Variants in DNAH5 observed in about 807,000 individuals in gnomAD.
DNAH5 encodes the protein axonemal beta dynein heavy chain 5.
A neutral mutation model predicts 518.2 loss-of-function variants in DNAH5; 372 were observed. The observed-to-expected ratio is 0.72, with a 90% CI of 0.66 to 0.78. The LOEUF (loss-of-function observed/expected upper bound fraction) is 0.78, where lower values mean the gene tolerates loss of function less well. Ranked by LOEUF, DNAH5 falls within the 30% of genes least tolerant of loss-of-function variation. The probability of loss-of-function intolerance (pLI) is 0.00; values close to 1 mark genes in which losing one functional copy is unlikely to be tolerated. For synonymous variants in DNAH5, 2,039 were observed against 2,025.9 expected, an observed-to-expected ratio of 1.01 and a Z score of -0.17; for missense variants, 5,523 against 5,687.0, an observed-to-expected ratio of 0.97 and a Z score of 0.93.
At chr5:13,905,521 T>C (rs1264478693) in intron 12 of DNAH5, among the ~76,000 whole-genome samples, 1 of 152,232 alleles carries the variant, frequency 6.6e-6, no homozygotes, top group Non-Finnish European at 1.5e-5. Flanking sequence ...AGTTATGTTA[T>C]AGCAACACAA....
chr5:13,776,506 G>A lies in DNAH5; in HGVS notation c.9306C>T (p.Phe3102=), dbSNP rs773708332. The change falls in exon 55 of 79, where the codon TTC becomes TTT. Residue 3102 remains phenylalanine, a synonymous_variant. Coordinates refer to ENST00000265104, the MANE Select transcript of DNAH5 (RefSeq NM_001369.3). ...GEKFRNRALK[F]PALISGCTID... ...TTGTGCATCCTGAAATTAGGGCAGG[G>A]AACTTCAAAGCTCTGTTTCGAAATT... 4.3e-6 allele frequency: 7 copies of A among 1,613,876 alleles called. No individual in the cohort carries two copies. The highest frequency in any genetic ancestry group is 5.1e-6 in the Non-Finnish European group (6 of 1,179,838).
Position 13,823,272 on chromosome 5 carries a change from A to G in DNAH5, c.6678T>C (p.Ile2226=), listed in dbSNP as rs1310698723. 3.7e-6 allele frequency: 6 copies of G among 1,604,242 alleles called. No individual in the cohort carries two copies. The South Asian group carries it at 6.6e-5, about 18-fold the overall frequency. ...KAGYPELEAA[I]SRQVEEAGLI... ...CTGTGAAGCATATTACCTGTCTACTAATTGCTGCTTCCAGTTCAGGGTAAC... is the reference window on the plus strand; with the variant it reads ...CTGTGAAGCATATTACCTGTCTACTGATTGCTGCTTCCAGTTCAGGGTAAC... The change falls in exon 40 of 79, where the codon ATT becomes ATC. Residue 2226 remains isoleucine, a synonymous_variant. Coordinates refer to ENST00000265104, the MANE Select transcript of DNAH5 (RefSeq NM_001369.3).
At chr5:14,005,366 A>C (rs573821938) in intron 1 of DNAH5, among the ~76,000 whole-genome samples, 2 of 152,310 alleles carry the variant, frequency 1.3e-5, no homozygotes, top group African/African-American at 4.8e-5. Flanking sequence ...CTTCCAGCTC[A>C]GTTTTAACTT....
intron 1 of DNAH5, among the ~76,000 whole-genome samples, chr5:13,972,378 T>C (rs75834923): frequency 0.023 from 3,464 of 152,232 alleles, 51 homozygotes; most frequent in South Asian, 0.058. Flanking sequence ...TTGGTCAAAA[T>C]TGTTACAAAG....
chr5:13,946,436 G>C (rs1779927595), upstream of DNAH5, among the ~76,000 whole-genome samples: 1 of 152,188 alleles, frequency 6.6e-6, no homozygotes, highest in Non-Finnish European at 1.5e-5. Flanking sequence ...CTCACTGGAA[G>C]TTGTTGAACA....
At chr5:13,845,473 T>A (rs1765857054) in intron 31 of DNAH5, among the ~76,000 whole-genome samples, 1 of 151,978 alleles carries the variant, frequency 6.6e-6, no homozygotes, top group Non-Finnish European at 1.5e-5. Context: ...GAATTCGTCA[T>A]CCAAGCAGAA....
intron 13 of DNAH5, 51 bp from the exon 14 acceptor site, chr5:13,901,624 A>C: frequency 8.5e-7 from 1 of 1,173,868 alleles, no homozygotes; most frequent in South Asian, 1.5e-5. Flanking sequence ...AAAATAAATA[A>C]AATACACAAT....
chr5:13,867,835 A>C lies in DNAH5; in HGVS notation c.3992T>G (p.Leu1331Arg). 2 of 1,614,050 alleles carry C rather than the reference A, an allele frequency of 1.2e-6. No homozygotes were observed. The highest frequency in any genetic ancestry group is 2.2e-5 in the South Asian group (2 of 91,074). Residue 1331 changes from leucine to arginine, a missense_variant, in exon 25 of 79, where the codon CTT (leucine) becomes CGT (arginine). Transcript: ENST00000265104. ...GAGGAATACCTCCACAGCACTAATA[A>C]GCTCTTTCTTGAAACTGGGCTGCAG... ...VSLQPSFKKE[L>R]ISAVEVFLQD... is the part of the protein sequence containing the mutation.
At chr5:13,942,689 G>A (rs756998958) in intron 1 of DNAH5, among the ~76,000 whole-genome samples, 4 of 151,880 alleles carry the variant, frequency 2.6e-5, no homozygotes, top group Non-Finnish European at 5.9e-5. Context: ...AAGAATCCTG[G>A]TAGGTCGTCA....
intron 1 of DNAH5, among the ~76,000 whole-genome samples, chr5:14,003,913 G>C (rs1784539114): frequency 6.6e-6 from 1 of 152,170 alleles, no homozygotes; most frequent in South Asian, 2.1e-4. Flanking sequence ...ATCAGCCCCA[G>C]CTATTCCAGC....
At position 13,762,724 on chromosome 5, in the gene DNAH5, T is replaced by C; in HGVS notation, c.10279A>G (p.Lys3427Glu). 1 of 1,614,006 alleles carries C rather than the reference T, an allele frequency of 6.2e-7. No individual in the cohort carries two copies. Among genetic ancestry groups the C allele is most frequent in the South Asian group, 1.1e-5 (1 of 91,086 alleles). The change falls in exon 60 of 79, where the codon AAG (lysine) becomes GAG (glutamate). Residue 3427 changes from lysine to glutamate, a missense_variant and splice_region_variant. Physicochemically the swap from Lys to Glu is moderately conservative, Grantham distance 56. Coordinates refer to ENST00000265104, the MANE Select transcript of DNAH5 (RefSeq NM_001369.3). Reference protein sequence around the residue: ...FSINKEVLPLKANLVVQENRH... With the variant: ...FSINKEVLPLEANLVVQENRH... ...CCAGGTCTGCCTAGCAGGCTTACCTTCAGAGGCAGTACTTCTTTGTTTATA... is the reference window on the plus strand; with the variant it reads ...CCAGGTCTGCCTAGCAGGCTTACCTCCAGAGGCAGTACTTCTTTGTTTATA...
chr5:13,704,346 CTTCACAGGG>C (rs1321936955), intron 76 of DNAH5, among the ~76,000 whole-genome samples: 1 of 152,218 alleles, frequency 6.6e-6, no homozygotes, highest in Non-Finnish European at 1.5e-5. Flanking sequence ...CACACTCTCG[CTTCACAGGG>C]AAGTCTCTGT....
rs116340845 is a variant in DNAH5, at chr5:13,916,290, A to T, written c.1197+58T>A. Reference sequence around the variant, plus strand: ...CAATGTGGTAATTTTTAATTATCAAAAAATTGATCACTGGCAAAGAAATAC... The same window carrying T: ...CAATGTGGTAATTTTTAATTATCAATAAATTGATCACTGGCAAAGAAATAC... On this transcript the variant is annotated intron_variant, in intron 9 of 78. Coordinates refer to ENST00000265104, the MANE Select transcript of DNAH5 (RefSeq NM_001369.3). 631 of 1,026,586 alleles carry T rather than the reference A, an allele frequency of 6.1e-4. 4 individuals carry two copies. In the African/African-American group the frequency reaches 8.9e-3, roughly 14 times the overall value. The allele number at this position is 1,026,586 out of a possible 1,614,324, so 63.6% of individuals were successfully genotyped here. A position where few individuals can be genotyped will look rare whatever the true frequency, so the allele number is the denominator to read the frequency against.
chr5:13,803,733 A>G (rs1759125682), intron 47 of DNAH5, among the ~76,000 whole-genome samples: 1 of 152,340 alleles, frequency 6.6e-6, no homozygotes, highest in Admixed American at 6.5e-5. Flanking sequence ...AAACACAGGG[A>G]TCCCTTGCAG....
intron 70 of DNAH5, among the ~76,000 whole-genome samples, chr5:13,722,196 T>G (rs757825705): frequency 6.6e-6 from 1 of 152,170 alleles, no homozygotes; most frequent in East Asian, 1.9e-4. Context: ...CAGCTTCAGA[T>G]GGAGCTTCCC....
At chr5:13,939,151 G>A (rs1028420421) in intron 1 of DNAH5, among the ~76,000 whole-genome samples, 1 of 152,084 alleles carries the variant, frequency 6.6e-6, no homozygotes, top group Admixed American at 6.6e-5. Context: ...TGATTTATTC[G>A]ATAGCAGCAG....
Position 13,811,797 on chromosome 5 carries a change from T to C in DNAH5, c.7257A>G (p.Gln2419=), listed in dbSNP as rs868809308. 3 of 1,614,170 alleles carry C rather than the reference T, an allele frequency of 1.9e-6. No homozygotes were observed. The highest frequency in any genetic ancestry group is 1.6e-4 in the Middle Eastern group (1 of 6,062). The change falls in exon 44 of 79, where the codon CAA becomes CAG. Residue 2419 remains glutamine (Q), a synonymous_variant. Transcript: ENST00000265104. The part of the protein sequence containing the change: ...LEGFLKKRSP[Q]EAEILRQLYT... ...ACAGCTGACGAAGAATTTCTGCTTCTTGAGGTGAGCGTTTCTTAAGAAAAC... is the reference window on the plus strand; with the variant it reads ...ACAGCTGACGAAGAATTTCTGCTTCCTGAGGTGAGCGTTTCTTAAGAAAAC...
At chr5:13,734,993 A>G in intron 68 of DNAH5, 138 bp downstream of exon 68, 1 of 792,526 alleles carries the variant, frequency 1.3e-6, no homozygotes, top group Middle Eastern at 3.5e-4. Context: ...CAAGAAAAGA[A>G]CAAATAAAAT....
intron 27 of DNAH5, among the ~76,000 whole-genome samples, chr5:13,865,299 C>G (rs993867503): frequency 6.6e-6 from 1 of 152,132 alleles, no homozygotes; most frequent in South Asian, 2.1e-4. Context: ...AGCCAGCTCT[C>G]CATTTTCTTT....
Sources: allele counts gnomAD v4.1 joint callset (sites outside exome capture counted in the v4.1 genomes callset), GRCh38; gene constraint gnomAD v4.1.1; transcripts MANE v1.5; gene names NCBI Gene and HGNC (gene_info 2026-07-23, HGNC 2026-07-21).